DOCK8: variants seen among roughly 807,000 people sequenced by gnomAD.
DOCK8 encodes dedicator of cytokinesis 8.
A neutral mutation model predicts 245.6 loss-of-function variants in DOCK8; 141 were observed. The observed-to-expected ratio is 0.57, with a 90% confidence interval of 0.50 to 0.66. DOCK8 has a LOEUF of 0.66. Among genes scored for constraint, DOCK8 ranks in the 30% least tolerant of loss-of-function variants. The probability of loss-of-function intolerance (pLI) is 0.00; values close to 1 mark genes in which losing one functional copy is unlikely to be tolerated. For synonymous variants in DOCK8, 1,168 were observed against 970.2 expected, an observed-to-expected ratio of 1.20 and a Z score of -3.79; for missense variants, 2,965 against 2,603.4, an observed-to-expected ratio of 1.14 and a Z score of -3.02.
At chr9:252,797 C>CAAAA (rs113508710) in intron 1 of DOCK8, among the ~76,000 whole-genome samples, 1 of 142,744 alleles carries the variant, frequency 7.0e-6, no homozygotes, top group Non-Finnish European at 1.5e-5. Context: ...GACTCCATCT[C>CAAAA]AAAAAAAAAA....
chr9:259,382 C>G (rs572749162), intron 1 of DOCK8, among the ~76,000 whole-genome samples: 51 of 152,252 alleles, frequency 3.3e-4, no homozygotes, highest in African/African-American at 1.2e-3. Flanking sequence ...TTTAAGTACA[C>G]TATTTAAAAA....
intron 21 of DOCK8, 48 bp downstream of exon 21, chr9:379,983 C>G: frequency 6.3e-7 from 1 of 1,586,174 alleles, no homozygotes; most frequent in Non-Finnish European, 8.6e-7. Flanking sequence ...GCAACACCAC[C>G]TCCACCCCAC....
At chr9:273,429 T>A (rs920363298) in intron 2 of DOCK8, among the ~76,000 whole-genome samples, 1 of 152,232 alleles carries the variant, frequency 6.6e-6, no homozygotes, top group Non-Finnish European at 1.5e-5. Flanking sequence ...TATATTTAAT[T>A]GAAAAATCAA....
At chr9:221,402 A>G (rs1007748353) in intron 1 of DOCK8, among the ~76,000 whole-genome samples, 2 of 152,212 alleles carry the variant, frequency 1.3e-5, no homozygotes, top group Non-Finnish European at 2.9e-5. Context: ...TTGCATCTGT[A>G]CTGAACATGT....
At chr9:404,844 T>C (rs1345955606) in intron 26 of DOCK8, 74 bp from the exon 27 acceptor site, 2 of 1,533,730 alleles carry the variant, frequency 1.3e-6, no homozygotes, top group African/African-American at 1.4e-5. Context: ...GAAAGGATAT[T>C]TTTGTGTCTG....
At chr9:304,285 C>T (rs1173601583) in intron 4 of DOCK8, among the ~76,000 whole-genome samples, 1 of 152,198 alleles carries the variant, frequency 6.6e-6, no homozygotes, top group Non-Finnish European at 1.5e-5. Flanking sequence ...AGTTTAGCTT[C>T]AGCTCGGAGC....
intron 1 of DOCK8, among the ~76,000 whole-genome samples, chr9:223,627 T>A (rs967211078): frequency 6.6e-6 from 1 of 152,114 alleles, no homozygotes; most frequent in Non-Finnish European, 1.5e-5. Flanking sequence ...AAAATCTTTT[T>A]TTTTTTTTAG....
At chr9:422,173 A>C (rs765945951) in intron 33 of DOCK8, 38 bp downstream of exon 33, 2 of 1,567,878 alleles carry the variant, frequency 1.3e-6, no homozygotes, top group African/African-American at 2.7e-5. Context: ...TTTTACCTAA[A>C]GTCCAAAACT....
At chr9:224,723 T>C (rs1436963900) in intron 1 of DOCK8, among the ~76,000 whole-genome samples, 3 of 152,082 alleles carry the variant, frequency 2.0e-5, no homozygotes, top group Non-Finnish European at 4.4e-5. Flanking sequence ...ACACTTGGGG[T>C]CTGTGGTTCC....
intron 42 of DOCK8, 126 bp downstream of exon 42, chr9:442,135 C>T: frequency 7.3e-7 from 1 of 1,378,400 alleles, no homozygotes; most frequent in Non-Finnish European, 1.0e-6. Flanking sequence ...TAAAGTTTTC[C>T]CCTTTGCATT....
chr9:407,986 G>A (rs2055520045), intron 28 of DOCK8, among the ~76,000 whole-genome samples: 1 of 152,130 alleles, frequency 6.6e-6, no homozygotes, highest in Non-Finnish European at 1.5e-5. Context: ...CCATAACAGA[G>A]AACGAAATCT....
chr9:463,988 C>G (rs1342316935), intron 47 of DOCK8, among the ~76,000 whole-genome samples, 171 bp from the exon 48 acceptor site: 1 of 152,176 alleles, frequency 6.6e-6, no homozygotes, highest in Non-Finnish European at 1.5e-5. Flanking sequence ...TTTGTTTTGG[C>G]ACAGTGTGAA....
At chr9:290,399 G>A (rs947491361) in intron 4 of DOCK8, among the ~76,000 whole-genome samples, 3 of 152,088 alleles carry the variant, frequency 2.0e-5, no homozygotes, top group African/African-American at 4.8e-5. Flanking sequence ...CTGGAATAGA[G>A]CCTTTTTGTT....
intron 24 of DOCK8, among the ~76,000 whole-genome samples, chr9:391,441 C>T (rs960684120): frequency 1.3e-5 from 2 of 152,128 alleles, no homozygotes; most frequent in Admixed American, 1.3e-4. Context: ...CAATTAATAT[C>T]TGTTGGAAAA....
intron 28 of DOCK8, among the ~76,000 whole-genome samples, chr9:407,821 T>C (rs1020088826): frequency 6.6e-5 from 10 of 152,204 alleles, no homozygotes; most frequent in Non-Finnish European, 1.2e-4. Context: ...ATCAGAGATA[T>C]ATCAGTGCAC....
At chr9:428,567 C>A in intron 35 of DOCK8, 71 bp downstream of exon 35, 1 of 1,581,140 alleles carries the variant, frequency 6.3e-7, no homozygotes, top group Non-Finnish European at 8.7e-7. Context: ...ATACTTCTCT[C>A]TTCAGGTGGA....
chr9:271,779 C>G (rs1385624333), intron 2 of DOCK8, 50 bp downstream of exon 2: 4 of 1,335,932 alleles, frequency 3.0e-6, no homozygotes, highest in Admixed American at 2.1e-5. Context: ...TGCAAAAGTG[C>G]CCAGGGTATG....
rs147464800 is a variant in DOCK8 at position 401,930 on chromosome 9, G to A, written c.3234+2671G>A. On this transcript the variant is annotated intron_variant, in intron 26 of 47. Coordinates refer to ENST00000432829, the MANE Select transcript of DOCK8 (RefSeq NM_203447.4). ...CCCCATCCCATGCACCCTGACCCCT[G>A]CCCTGCAGCGGATCTTCTGTCCCAG... Among the ~76,000 whole-genome samples, 597 of 152,268 alleles carry A rather than the reference G, an allele frequency of 3.9e-3. 3 individuals carry two copies. Among genetic ancestry groups the A allele is most frequent in the Middle Eastern group, 0.017 (5 of 294 alleles).
At chr9:304,800 T>A in intron 5 of DOCK8, 96 bp downstream of exon 5, 1 of 1,568,344 alleles carries the variant, frequency 6.4e-7, no homozygotes, top group Non-Finnish European at 8.8e-7. Context: ...GATAGACGCA[T>A]AGAAAGTTTG....
Sources: gnomAD v4.1 joint callset for allele counts (sites outside exome capture counted in the v4.1 genomes callset) on GRCh38, gnomAD v4.1.1 for gene constraint, MANE v1.5 for transcripts, NCBI Gene and HGNC (gene_info 2026-07-23, HGNC 2026-07-21) for gene names.